Variants in DCBLD1 observed in about 807,000 individuals in gnomAD.
DCBLD1 encodes the protein discoidin, CUB and LCCL domain containing 1.
A neutral mutation model predicts 71.5 loss-of-function variants in DCBLD1; 57 were observed. The ratio of observed to expected loss-of-function variants is 0.80; its 90% CI spans 0.64 to 0.99. The LOEUF (loss-of-function observed/expected upper bound fraction) is 0.99. DCBLD1 is among the 50% of genes least tolerant of loss of function. DCBLD1 has a pLI of 0.00. For synonymous variants in DCBLD1, 380 were observed against 363.8 expected (o/e 1.04, Z -0.51); for missense variants, 891 against 923.5 (o/e 0.96, Z 0.46).
At chr6:117,483,778 G>A (rs561799968) in intron 1 of DCBLD1, among the ~76,000 whole-genome samples, 13 of 151,142 alleles carry the variant, frequency 8.6e-5, no homozygotes, top group Non-Finnish European at 1.3e-4. Flanking sequence ...GCTCCTGGCC[G>A]TATATGCCTG....
chr6:117,538,426 A>G (rs1395205265), intron 7 of DCBLD1, among the ~76,000 whole-genome samples, 194 bp from the exon 8 acceptor site: 2 of 152,198 alleles, frequency 1.3e-5, no homozygotes, highest in Non-Finnish European at 2.9e-5. Flanking sequence ...AAGCAATAAC[A>G]GTTTCAAGGC....
At chr6:117,535,068 T>C (rs942390448) in intron 6 of DCBLD1, among the ~76,000 whole-genome samples, 1 of 152,212 alleles carries the variant, frequency 6.6e-6, no homozygotes, top group African/African-American at 2.4e-5. Context: ...ATCTGTGTTG[T>C]TTTACTCCTG....
chr6:117,516,707 C>G (rs890054779), intron 2 of DCBLD1, among the ~76,000 whole-genome samples: 3 of 152,198 alleles, frequency 2.0e-5, no homozygotes, highest in African/African-American at 4.8e-5. Context: ...ATTGGACTTA[C>G]AGTTCCACGT....
At chr6:117,511,359 A>G (rs1287145122) in intron 2 of DCBLD1, among the ~76,000 whole-genome samples, 1 of 152,228 alleles carries the variant, frequency 6.6e-6, no homozygotes, top group African/African-American at 2.4e-5. Flanking sequence ...CCAGTGATAG[A>G]AAGAAACTCT....
chr6:117,498,984 G>A (rs977332896), intron 1 of DCBLD1, among the ~76,000 whole-genome samples: 2 of 152,114 alleles, frequency 1.3e-5, no homozygotes, highest in African/African-American at 2.4e-5. Context: ...GCACATAAGT[G>A]TCTTTTAAAT....
Position 117,540,991 on chromosome 6 carries a change from C to T in DCBLD1, c.1323C>T (p.Ile441=). ...SVSTKKEDET[I]TRPIPSEETS... ...CAACTAAGAAAGAAGATGAGACAAT[C>T]ACAAGGCCCATCCCCTCGGAAGAAA... Residue 441 remains isoleucine, a synonymous_variant, in exon 11 of 15, where the codon ATC becomes ATT. Coordinates refer to ENST00000338728, the MANE Select transcript of DCBLD1 (RefSeq NM_001366458.2). The T allele has an allele frequency of 6.2e-7, 1 of 1,614,200 alleles. No individual in the cohort carries two copies.
intron 14 of DCBLD1, among the ~76,000 whole-genome samples, chr6:117,565,962 A>G (rs1349327627): frequency 6.6e-6 from 1 of 152,174 alleles, no homozygotes; most frequent in African/African-American, 2.4e-5. Context: ...ATCTCATCAC[A>G]AAGAATATTA....
At position 117,519,822 on chromosome 6, in the gene DCBLD1, AC is replaced by A; in HGVS notation, c.333del (p.Cys112ValfsTer4). 2 of 1,612,686 alleles carry A rather than the reference AC, an allele frequency of 1.2e-6. No homozygotes were observed. Among genetic ancestry groups the A allele is most frequent in the Non-Finnish European group, 1.7e-6 (2 of 1,178,788 alleles). On this transcript the variant is annotated frameshift_variant, in exon 3 of 15. Transcript: ENST00000338728. LOFTEE classifies it high-confidence loss of function. ...FTSSSDQYGP[Y>X]CGSMTVPKEL... ...AAGTGTGCTTTGTTTTTAGGTCCAT[AC>A]TGTGGAAGTATGACTGTTCCCAAAG...
intron 12 of DCBLD1, 184 bp from the exon 13 acceptor site, chr6:117,544,342 TGA>T (rs1779194596): frequency 4.1e-6 from 2 of 489,088 alleles, no homozygotes; most frequent in Non-Finnish European, 7.0e-6. Context: ...TTCTTATAAA[TGA>T]GATAAATTTA....
chr6:117,554,912 T>C (rs938744319), intron 14 of DCBLD1, among the ~76,000 whole-genome samples: 13 of 152,224 alleles, frequency 8.5e-5, no homozygotes, highest in African/African-American at 2.6e-4. Context: ...AAAAAATCTT[T>C]TGTGAATCAG....
intron 4 of DCBLD1, among the ~76,000 whole-genome samples, chr6:117,523,312 A>G (rs539714917): frequency 6.6e-6 from 1 of 152,338 alleles, no homozygotes; most frequent in Non-Finnish European, 1.5e-5. Context: ...ATCCATAATT[A>G]TGAAGTATAG....
At chr6:117,547,666 G>A (rs1020157532) in intron 14 of DCBLD1, 10 of 798,610 alleles carry the variant, frequency 1.3e-5, no homozygotes, top group East Asian at 2.7e-5. Flanking sequence ...CCAGGACGTC[G>A]TCGTCGCCCC....
intron 14 of DCBLD1, among the ~76,000 whole-genome samples, chr6:117,555,637 T>C (rs967821822): frequency 2.0e-5 from 3 of 152,222 alleles, no homozygotes; most frequent in African/African-American, 7.2e-5. Flanking sequence ...CGATCTAGAA[T>C]TCTACTATGT....
chr6:117,540,846 C>T (rs755271925), intron 10 of DCBLD1, 31 bp downstream of exon 10: 5 of 1,613,962 alleles, frequency 3.1e-6, no homozygotes. Context: ...GTGAGTTACT[C>T]AAGTTTGGTC....
chr6:117,497,243 A>G (rs563004071), intron 1 of DCBLD1, among the ~76,000 whole-genome samples: 95 of 152,320 alleles, frequency 6.2e-4, no homozygotes, highest in Middle Eastern at 6.8e-3. Flanking sequence ...ACTCCACCCA[A>G]ATCATTTTCC....
In DCBLD1 at chr6:117,483,057, G is replaced by T. The variant is rs538372554; in HGVS notation, c.112+164G>T. ...CGCCGCCTGCCATCCGCGGAGTCCG[G>T]CTCTACCCGCGGGGCTGGGGGTGAA... On this transcript the variant is annotated intron_variant, in intron 1 of 14. Transcript: ENST00000338728. Among the ~76,000 whole-genome samples, 62 of 152,170 alleles carry T rather than the reference G, an allele frequency of 4.1e-4. No individual in the cohort carries two copies. In the South Asian group the frequency reaches 8.7e-3, roughly 21 times the overall value.
At chr6:117,511,665 C>G (rs1422061410) in intron 2 of DCBLD1, among the ~76,000 whole-genome samples, 4 of 152,148 alleles carry the variant, frequency 2.6e-5, no homozygotes, top group African/African-American at 9.7e-5. Flanking sequence ...TGACATATTG[C>G]AATAAGATCT....
intron 1 of DCBLD1, among the ~76,000 whole-genome samples, chr6:117,489,508 A>G (rs935028632): frequency 6.6e-6 from 1 of 152,190 alleles, no homozygotes; most frequent in African/African-American, 2.4e-5. Flanking sequence ...TAATACTGAA[A>G]TGAGGTAACA....
At chr6:117,563,544 A>G (rs1779630973) in intron 14 of DCBLD1, among the ~76,000 whole-genome samples, 1 of 152,084 alleles carries the variant, frequency 6.6e-6, no homozygotes, top group Non-Finnish European at 1.5e-5. Flanking sequence ...CAATGTGGTG[A>G]AACCCCGTCT....
Sources: allele counts gnomAD v4.1 joint callset (sites outside exome capture counted in the v4.1 genomes callset), GRCh38; gene constraint gnomAD v4.1.1; transcripts MANE v1.5; gene names NCBI Gene and HGNC (gene_info 2026-07-23, HGNC 2026-07-21).